Variants in PDE4D observed in about 807,000 individuals in gnomAD.
PDE4D encodes phosphodiesterase 4D.
PDE4D carries 24 observed loss-of-function variants against 87.4 expected under a neutral mutation model. That is an observed-to-expected ratio of 0.27 (90% CI 0.20 to 0.39). The LOEUF (loss-of-function observed/expected upper bound fraction) is 0.39, where lower values mean the gene tolerates loss of function less well. PDE4D is among the 10% of genes least tolerant of loss of function. The probability of loss-of-function intolerance (pLI) is 1.00; values close to 1 mark genes in which losing one functional copy is unlikely to be tolerated. For missense variants in PDE4D, 714 were observed against 1,041.0 expected, an observed-to-expected ratio of 0.69 and a Z score of 4.32; for synonymous variants, 384 against 383.2, an observed-to-expected ratio of 1.00 and a Z score of -0.02.
At chr5:59,275,476 G>T (rs1764625553) in intron 1 of PDE4D, 1 of 1,553,112 alleles carries the variant, frequency 6.4e-7, no homozygotes, top group Non-Finnish European at 8.6e-7. Flanking sequence ...TTTCTGCAAA[G>T]AAGATTTTAA....
chr5:60,133,848 G>A (rs1779805177), intron 2 of PDE4D, among the ~76,000 whole-genome samples: 1 of 152,102 alleles, frequency 6.6e-6, no homozygotes, highest in Non-Finnish European at 1.5e-5. Context: ...TTAACCTGGA[G>A]TCCACAAAGA....
intron 1 of PDE4D, among the ~76,000 whole-genome samples, chr5:59,395,555 G>C (rs984963625): frequency 6.6e-6 from 1 of 150,696 alleles, no homozygotes; most frequent in African/African-American, 2.4e-5. Context: ...CAAACAGAAA[G>C]GACATCCACA....
At chr5:59,197,477 A>G (rs1290037295) in intron 2 of PDE4D, among the ~76,000 whole-genome samples, 1 of 152,196 alleles carries the variant, frequency 6.6e-6, no homozygotes, top group Non-Finnish European at 1.5e-5. Flanking sequence ...GTTATAGCCT[A>G]TCCATTTATT....
intron 1 of PDE4D, among the ~76,000 whole-genome samples, chr5:59,436,977 A>T (rs953581077): frequency 2.0e-5 from 3 of 152,218 alleles, no homozygotes; most frequent in Non-Finnish European, 4.4e-5. Context: ...CAAGGACAGT[A>T]AATTAGGCCT....
chr5:59,404,805 T>A (rs750659529), intron 1 of PDE4D, among the ~76,000 whole-genome samples: 4 of 152,228 alleles, frequency 2.6e-5, no homozygotes, highest in Admixed American at 1.3e-4. Flanking sequence ...CGGCAAGAGA[T>A]AGAAGTCTAG....
intron 1 of PDE4D, among the ~76,000 whole-genome samples, chr5:59,313,050 T>A (rs775073380): frequency 6.5e-4 from 99 of 152,004 alleles, no homozygotes; most frequent in Non-Finnish European, 1.2e-3. Flanking sequence ...TGAACCCCCA[T>A]CCAATAATGG....
At chr5:60,325,624 G>C (rs1279351497) in intron 1 of PDE4D, among the ~76,000 whole-genome samples, 3 of 151,836 alleles carry the variant, frequency 2.0e-5, no homozygotes, top group Non-Finnish European at 4.4e-5. Flanking sequence ...TTTATTTTGA[G>C]ATAATTGTAG....
At chr5:60,446,843 C>A (rs1321415713) in intron 1 of PDE4D, among the ~76,000 whole-genome samples, 1 of 152,050 alleles carries the variant, frequency 6.6e-6, no homozygotes, top group East Asian at 1.9e-4. Context: ...CTGCGCCTGC[C>A]CCCTGCCAAG....
intron 3 of PDE4D, among the ~76,000 whole-genome samples, chr5:59,958,199 T>C (rs1759070630): frequency 1.3e-5 from 2 of 152,208 alleles, no homozygotes; most frequent in South Asian, 2.1e-4. Context: ...TGATATTTTA[T>C]AATCATCTTG....
chr5:59,455,745 G>A (rs1444520949), intron 1 of PDE4D, among the ~76,000 whole-genome samples: 1 of 152,228 alleles, frequency 6.6e-6, no homozygotes, highest in Non-Finnish European at 1.5e-5. Flanking sequence ...GAAGGAGGCT[G>A]CACCCTGCAG....
At chr5:59,039,601 C>T (rs1306933766) in intron 5 of PDE4D, 8 of 765,942 alleles carry the variant, frequency 1.0e-5, no homozygotes, top group Non-Finnish European at 1.3e-5. Flanking sequence ...CCCTCACGCC[C>T]CTCTCGGCCC....
At chr5:60,111,622 T>C (rs1459146089) in intron 2 of PDE4D, among the ~76,000 whole-genome samples, 1 of 151,988 alleles carries the variant, frequency 6.6e-6, no homozygotes, top group Non-Finnish European at 1.5e-5. Context: ...AGCATAAGAA[T>C]TAAAATATAA....
chr5:59,189,703 C>A (rs529479402), intron 3 of PDE4D, among the ~76,000 whole-genome samples: 1 of 152,158 alleles, frequency 6.6e-6, no homozygotes, highest in African/African-American at 2.4e-5. Context: ...CAGTGGGATT[C>A]CTCTCTAGCC....
chr5:59,368,900 G>A (rs1783512095), intron 1 of PDE4D, among the ~76,000 whole-genome samples: 1 of 152,194 alleles, frequency 6.6e-6, no homozygotes. Context: ...AAATGAGAAT[G>A]TGTGGCTTAG....
At chr5:60,380,989 C>T (rs1262286280) in intron 1 of PDE4D, among the ~76,000 whole-genome samples, 1 of 152,176 alleles carries the variant, frequency 6.6e-6, no homozygotes, top group Non-Finnish European at 1.5e-5. Flanking sequence ...GTGGCTCAAG[C>T]CCTGCACATG....
intron 1 of PDE4D, among the ~76,000 whole-genome samples, chr5:60,267,924 C>T (rs1750389179): frequency 6.6e-6 from 1 of 152,204 alleles, no homozygotes; most frequent in South Asian, 2.1e-4. Flanking sequence ...CACGTTCATT[C>T]CCAGTCAAAG....
At chr5:60,237,306 C>T (rs375631786) in intron 1 of PDE4D, among the ~76,000 whole-genome samples, 1 of 151,966 alleles carries the variant, frequency 6.6e-6, no homozygotes, top group East Asian at 1.9e-4. Flanking sequence ...GAATTATGAT[C>T]GCAGCAAAAC....
rs1754926480 is a variant in PDE4D, at chr5:59,230,506, T to C, written c.456-14538A>G. Among the ~76,000 whole-genome samples, 3 of 152,238 alleles carry C rather than the reference T, an allele frequency of 2.0e-5. No homozygotes were observed. In the South Asian group the frequency reaches 6.2e-4, roughly 32 times the overall value. On this transcript the variant is annotated intron_variant, in intron 1 of 14. Coordinates refer to ENST00000340635, the MANE Select transcript of PDE4D (RefSeq NM_001104631.2). ...GATTTTATTGACTAAATAAGAATGA[T>C]TGAATGATAAATCCTTTGTAGAAAT...
At chr5:60,444,793 G>A (rs181352904) in intron 1 of PDE4D, among the ~76,000 whole-genome samples, 150 of 151,948 alleles carry the variant, frequency 9.9e-4, no homozygotes, top group African/African-American at 3.4e-3. Context: ...AACCAGGGGA[G>A]GACCTGCTAC....
Sources: allele counts gnomAD v4.1 joint callset (sites outside exome capture counted in the v4.1 genomes callset), GRCh38; gene constraint gnomAD v4.1.1; transcripts MANE v1.5; gene names NCBI Gene and HGNC (gene_info 2026-07-23, HGNC 2026-07-21).